SPATA13: variants seen among roughly 807,000 people sequenced by gnomAD.
The protein encoded by SPATA13 is spermatogenesis associated 13.
A neutral mutation model predicts 104.0 loss-of-function variants in SPATA13; 50 were observed. The observed-to-expected ratio is 0.48, with a 90% CI of 0.38 to 0.61. SPATA13 has a LOEUF of 0.61. Ranked by LOEUF, SPATA13 falls within the 20% of genes least tolerant of loss-of-function variation. SPATA13 has a pLI of 0.00. For missense variants in SPATA13, 1,524 were observed against 1,690.6 expected, an observed-to-expected ratio of 0.90 and a Z score of 1.73; for synonymous variants, 606 against 667.5, an observed-to-expected ratio of 0.91 and a Z score of 1.42.
intron 4 of SPATA13, among the ~76,000 whole-genome samples, chr13:24,260,228 A>G (rs1246136595): frequency 6.6e-6 from 1 of 152,128 alleles, no homozygotes; most frequent in African/African-American, 2.4e-5. Flanking sequence ...GGATGAAGGG[A>G]GTTAGATTAA....
intron 3 of SPATA13, among the ~76,000 whole-genome samples, chr13:24,060,287 A>G (rs763278824): frequency 6.4e-4 from 97 of 152,218 alleles, no homozygotes; most frequent in Non-Finnish European, 7.6e-4. Context: ...CAACCTGCAC[A>G]CTTACTATCT....
chr13:24,117,037 A>G (rs1242520282), intron 3 of SPATA13, among the ~76,000 whole-genome samples: 2 of 152,226 alleles, frequency 1.3e-5, no homozygotes, highest in Non-Finnish European at 2.9e-5. Context: ...TGAAAAGTTA[A>G]TGTCTATTAT....
At chr13:24,041,150 C>T (rs1051901898) in intron 3 of SPATA13, among the ~76,000 whole-genome samples, 1 of 152,216 alleles carries the variant, frequency 6.6e-6, no homozygotes, top group African/African-American at 2.4e-5. Flanking sequence ...GCCCTATCCA[C>T]TTAGCTTGAT....
chr13:24,106,935 T>C (rs1345421936), intron 3 of SPATA13, among the ~76,000 whole-genome samples: 4 of 152,248 alleles, frequency 2.6e-5, no homozygotes, highest in African/African-American at 9.6e-5. Flanking sequence ...TAGTGAAGTC[T>C]GTGCACTATT....
chr13:24,016,694 G>A (rs1341487528), intron 2 of SPATA13, among the ~76,000 whole-genome samples: 2 of 152,204 alleles, frequency 1.3e-5, no homozygotes, highest in South Asian at 2.1e-4. Context: ...TGTCCCCAGT[G>A]TTCTCTTCCA....
chr13:24,209,206 A>G (rs190378396), intron 1 of SPATA13, among the ~76,000 whole-genome samples: 255 of 152,346 alleles, frequency 1.7e-3, no homozygotes, highest in Admixed American at 3.7e-3. Context: ...AGATGTGATC[A>G]CAGTGGTATC....
chr13:24,253,805 G>A (rs192689205), intron 4 of SPATA13, among the ~76,000 whole-genome samples: 2 of 152,230 alleles, frequency 1.3e-5, no homozygotes, highest in East Asian at 3.9e-4. Context: ...CCCAAAGACA[G>A]GCAGGAAACA....
intron 3 of SPATA13, among the ~76,000 whole-genome samples, chr13:24,053,362 A>G (rs746320338): frequency 1.3e-5 from 2 of 152,186 alleles, no homozygotes; most frequent in Non-Finnish European, 2.9e-5. Flanking sequence ...AAACTTCTCA[A>G]CCACTCATTC....
chr13:24,150,160 C>G (rs80342889), intron 3 of SPATA13, among the ~76,000 whole-genome samples: 6,276 of 152,190 alleles, frequency 0.041, 313 homozygotes, highest in African/African-American at 0.11. Context: ...GCCAGACCCT[C>G]TGTCCTGAGA....
At chr13:24,174,967 T>C in intron 1 of SPATA13, among the ~76,000 whole-genome samples, 1 of 152,254 alleles carries the variant, frequency 6.6e-6, no homozygotes, top group Non-Finnish European at 1.5e-5. Context: ...ATTTTTTTGT[T>C]AACTTTCTGT....
At chr13:24,155,936 T>G (rs1593364862), upstream of SPATA13, among the ~76,000 whole-genome samples, 2 of 152,216 alleles carry the variant, frequency 1.3e-5, no homozygotes, top group Admixed American at 6.5e-5. Context: ...TCCTACAGTA[T>G]CTGTCCTTTT....
intron 1 of SPATA13, among the ~76,000 whole-genome samples, chr13:24,181,594 T>G (rs560025932): frequency 7.9e-5 from 12 of 152,072 alleles, no homozygotes; most frequent in Non-Finnish European, 1.5e-4. Context: ...TAGGTCTACA[T>G]AGGGTCAGCA....
chr13:24,155,879 T>C (rs1195610357), upstream of SPATA13, among the ~76,000 whole-genome samples: 1 of 152,200 alleles, frequency 6.6e-6, no homozygotes, highest in East Asian at 1.9e-4. Flanking sequence ...ACCATTCTAC[T>C]TTCTGTCTGT....
intron 3 of SPATA13, among the ~76,000 whole-genome samples, chr13:24,086,279 T>TA (rs1167265925): frequency 3.9e-5 from 6 of 152,120 alleles, no homozygotes; most frequent in Non-Finnish European, 8.8e-5. Context: ...ATAGTCTTGC[T>TA]AAAAAAAGGG....
intron 4 of SPATA13, among the ~76,000 whole-genome samples, chr13:24,264,793 A>G (rs550267502): frequency 3.9e-4 from 60 of 152,362 alleles, no homozygotes; most frequent in African/African-American, 1.2e-3. Flanking sequence ...ACGTGTGCTT[A>G]CAGAGAACAG....
chr13:24,063,082 G>A (rs1057477602), intron 3 of SPATA13, among the ~76,000 whole-genome samples: 1 of 151,832 alleles, frequency 6.6e-6, no homozygotes, highest in African/African-American at 2.4e-5. Context: ...ACCTGCCTGA[G>A]ACCCAGCCCT....
intron 2 of SPATA13, among the ~76,000 whole-genome samples, chr13:24,246,077 CG>C (rs1009591084): frequency 6.6e-6 from 1 of 152,120 alleles, no homozygotes; most frequent in Non-Finnish European, 1.5e-5. Context: ...GTGCGTGTCA[CG>C]TAAGTGTAAA....
At chr13:24,252,034 G>A (rs1873522439) in intron 4 of SPATA13, among the ~76,000 whole-genome samples, 172 bp downstream of exon 4, 1 of 152,174 alleles carries the variant, frequency 6.6e-6, no homozygotes, top group Non-Finnish European at 1.5e-5. Context: ...TGCTGTCTGG[G>A]GTAGATGCTC....
intron 3 of SPATA13, among the ~76,000 whole-genome samples, chr13:24,133,664 G>T (rs1881458852): frequency 6.6e-6 from 1 of 152,188 alleles, no homozygotes; most frequent in African/African-American, 2.4e-5. Context: ...GCACAGGGAG[G>T]CCCAGCTGAG....
Sources: allele counts gnomAD v4.1 joint callset (sites outside exome capture counted in the v4.1 genomes callset), GRCh38; gene constraint gnomAD v4.1.1; transcripts MANE v1.5; gene names NCBI Gene and HGNC (gene_info 2026-07-23, HGNC 2026-07-21).